The following CCDC88C variants were observed in gnomAD, a reference collection of about 807,000 sequenced individuals.
CCDC88C encodes protein Daple.
Under a neutral mutation model 198.8 loss-of-function variants are expected in CCDC88C, and 131 were observed. The ratio of observed to expected loss-of-function variants is 0.66; its 90% CI spans 0.57 to 0.76. The LOEUF (loss-of-function observed/expected upper bound fraction) is 0.76. Ranked by LOEUF, CCDC88C falls within the 30% of genes least tolerant of loss-of-function variation. The pLI, the probability that CCDC88C is intolerant of heterozygous loss-of-function variation, is 0.00. For missense variants in CCDC88C, 2,553 were observed against 2,631.6 expected (o/e 0.97, Z 0.65); for synonymous variants, 1,166 against 1,114.7 (o/e 1.05, Z -0.92).
chr14:91,350,230 G>A (rs1266950610), intron 4 of CCDC88C, among the ~76,000 whole-genome samples: 5 of 151,056 alleles, frequency 3.3e-5, no homozygotes, highest in Non-Finnish European at 4.4e-5. Flanking sequence ...GCACAATTTC[G>A]GCTCACTGCA....
At position 91,342,478 on chromosome 14, in the gene CCDC88C, A is replaced by C. The variant is rs376538263; in HGVS notation, c.400-15T>G. Reference sequence around the variant, plus strand: ...TTCCTCTCACACTGCGGAGGGTTACATGTGTTAATGGAAGCGCTGTTCAAG... The same window carrying C: ...TTCCTCTCACACTGCGGAGGGTTACCTGTGTTAATGGAAGCGCTGTTCAAG... On this transcript the variant is annotated splice_polypyrimidine_tract_variant and intron_variant, in intron 5 of 29. Coordinates refer to ENST00000389857, the MANE Select transcript of CCDC88C (RefSeq NM_001080414.4). The C allele has an allele frequency of 6.6e-7, 1 of 1,524,916 alleles. No homozygotes were observed. The highest frequency in any genetic ancestry group is 1.2e-5 in the South Asian group (1 of 84,718). The allele number at this position is 1,524,916 out of a possible 1,614,324, so 94.5% of individuals were successfully genotyped here.
intron 2 of CCDC88C, among the ~76,000 whole-genome samples, chr14:91,414,846 G>A (rs575527799): frequency 2.0e-5 from 3 of 152,234 alleles, no homozygotes; most frequent in South Asian, 2.1e-4. Context: ...AAATTGCCCA[G>A]GGAAGGGGAG....
chr14:91,381,573 C>T lies in CCDC88C; in HGVS notation c.271-21862G>A, dbSNP rs536018804. Among the ~76,000 whole-genome samples, 26 of 152,334 alleles carry T rather than the reference C, an allele frequency of 1.7e-4. No homozygotes were observed. The East Asian group carries it at 4.6e-3, about 27-fold the overall frequency. On this transcript the variant is annotated intron_variant, in intron 3 of 29. Coordinates refer to ENST00000389857, the MANE Select transcript of CCDC88C (RefSeq NM_001080414.4). This position sits in a 1 kb window ranked among gnomAD's most constrained non-coding sequence, Gnocchi z 4.2. Reference sequence around the variant, plus strand: ...TTTGGCCGGGTGCGGTGGCTCATGCCTGTAATCCTAGCACTTTGGGAGGCC... The same window carrying T: ...TTTGGCCGGGTGCGGTGGCTCATGCTTGTAATCCTAGCACTTTGGGAGGCC...
Position 91,324,826 on chromosome 14 carries a change from A to T in CCDC88C, c.1295T>A (p.Leu432His). 6.2e-7 allele frequency: 1 copy of T among 1,613,478 alleles called. No homozygotes were observed. Among genetic ancestry groups the T allele is most frequent in the Non-Finnish European group, 8.5e-7 (1 of 1,179,878 alleles). The stretch of plus-strand genomic sequence containing the variant: ...GGACAGCTGCTCCAGCTCCCAGCCA[A>T]GGTGGGCAGATTCGTTCATGCTCTG... ...QKQSMNESAH[L>H]GWELEQLSKN... The change falls in exon 12 of 30, where the codon CTT becomes CAT. Residue 432 changes from leucine to histidine, a missense_variant. Around this residue, in one of 2 missense-constraint regions of CCDC88C, gnomAD observed 1,260 missense variants for 1,412.0 expected, o/e 0.89. Coordinates refer to ENST00000389857, the MANE Select transcript of CCDC88C (RefSeq NM_001080414.4).
At chr14:91,390,349 A>T (rs755025129) in intron 3 of CCDC88C, among the ~76,000 whole-genome samples, 1 of 152,194 alleles carries the variant, frequency 6.6e-6, no homozygotes, top group Non-Finnish European at 1.5e-5. Context: ...TGCTTTTGGC[A>T]TCTCCACCTC....
chr14:91,372,828 CG>C (rs1317717655), intron 3 of CCDC88C, among the ~76,000 whole-genome samples: 1 of 152,104 alleles, frequency 6.6e-6, no homozygotes, highest in Non-Finnish European at 1.5e-5. Flanking sequence ...GGCAGGTGGC[CG>C]GGCAGGCAGG....
At chr14:91,392,767 GCCCCTCACTCTCACTGCA>G (rs1412555218) in intron 3 of CCDC88C, among the ~76,000 whole-genome samples, 29 of 150,348 alleles carry the variant, frequency 1.9e-4, no homozygotes, top group Admixed American at 1.3e-3. Context: ...CTCTCACCGC[GCCCCTCACTCTCACTGCA>G]CCCCTCACTC....
Position 91,284,937 on chromosome 14 carries a change from T to C in CCDC88C, c.4442-1420A>G, listed in dbSNP as rs1433245821. ...GAGACAGGAAATGCTCCATAGGTAA[T>C]GGCCTAGCTGGCCGGCTGGCATTTT... On this transcript the variant is annotated intron_variant, in intron 25 of 29. Coordinates refer to ENST00000389857, the MANE Select transcript of CCDC88C (RefSeq NM_001080414.4). This position sits in a 1 kb window ranked among gnomAD's most constrained non-coding sequence, Gnocchi z 4.1. Among the ~76,000 whole-genome samples the C allele has an allele frequency of 6.6e-6, 1 of 152,194 alleles. No homozygotes were observed. The highest frequency in any genetic ancestry group is 6.5e-5 in the Admixed American group (1 of 15,278).
chr14:91,308,785 C>T (rs1437569729), intron 16 of CCDC88C, among the ~76,000 whole-genome samples: 7 of 152,294 alleles, frequency 4.6e-5, no homozygotes, highest in Admixed American at 1.3e-4. Flanking sequence ...AACTGAGTCT[C>T]AGAAAGGTTA....
intron 26 of CCDC88C, among the ~76,000 whole-genome samples, chr14:91,282,527 G>A (rs1320093901): frequency 6.6e-6 from 1 of 151,792 alleles, no homozygotes; most frequent in Non-Finnish European, 1.5e-5. Flanking sequence ...TTGTTTCTTG[G>A]GTGCAATCAT....
At chr14:91,276,493 C>T (rs762422236) in intron 29 of CCDC88C, among the ~76,000 whole-genome samples, 1 of 152,252 alleles carries the variant, frequency 6.6e-6, no homozygotes, top group Admixed American at 6.5e-5. Context: ...GCAAAGAAAA[C>T]CTGCTGATGA....
rs953236644 is a variant in CCDC88C at position 91,288,868 on chromosome 14, G to A, written c.4441+237C>T. ...CTGCACTCTAGCCTGGGCAACAAGA[G>A]TGAAACTCCATCTCAAAAAAATTAA... On this transcript the variant is annotated intron_variant, in intron 25 of 29. Coordinates refer to ENST00000389857, the MANE Select transcript of CCDC88C (RefSeq NM_001080414.4). The surrounding 1 kb of genome is among the most constrained non-coding windows in gnomAD (Gnocchi z 4.2). 1 of 431,344 alleles carries A rather than the reference G, an allele frequency of 2.3e-6. No homozygotes were observed. The highest frequency in any genetic ancestry group is 4.1e-6 in the Non-Finnish European group (1 of 244,074). 26.7% of individuals were successfully genotyped at this position (431,344 alleles called of 1,614,324 possible).
intron 20 of CCDC88C, among the ~76,000 whole-genome samples, chr14:91,300,724 G>A (rs1891235954): frequency 6.6e-6 from 1 of 152,138 alleles, no homozygotes; most frequent in Non-Finnish European, 1.5e-5. Context: ...ATCTTCTCCA[G>A]GCTCTAATCT....
At position 91,322,359 on chromosome 14, in the gene CCDC88C, G is replaced by A. The variant is rs765436125; in HGVS notation, c.1343-1055C>T. ...GTCTTCATCCTCTACCAAGGATAACGACATGGACCACCCAACAGGCCAGAA... is the reference window on the plus strand; with the variant it reads ...GTCTTCATCCTCTACCAAGGATAACAACATGGACCACCCAACAGGCCAGAA... On this transcript the variant is annotated intron_variant, in intron 12 of 29. Transcript: ENST00000389857. Among the ~76,000 whole-genome samples, 7 of 152,266 alleles carry A rather than the reference G, an allele frequency of 4.6e-5. No homozygotes were observed. In the South Asian group the frequency reaches 1.2e-3, roughly 27 times the overall value.
chr14:91,287,484 C>A lies in CCDC88C; in HGVS notation c.4441+1621G>T, dbSNP rs142414841. Among the ~76,000 whole-genome samples the A allele has an allele frequency of 3.5e-4, 54 of 152,170 alleles. 1 individual carries two copies. The East Asian group carries it at 0.01, about 28-fold the overall frequency. ...GAGCAGCTGAGACTACAGGTACGTG[C>A]CACCACACCTGGCTAAATAAAAATA... is the stretch of plus-strand genomic sequence containing the variant. On this transcript the variant is annotated intron_variant, in intron 25 of 29. Transcript: ENST00000389857.
Position 91,273,755 on chromosome 14 carries a change from G to A in CCDC88C, c.5059-102C>T. 2.0e-6 allele frequency: 2 copies of A among 1,015,854 alleles called. No homozygotes were observed. The highest frequency in any genetic ancestry group is 2.7e-6 in the Non-Finnish European group (2 of 750,692). The allele number at this position is 1,015,854 out of a possible 1,614,324, so 62.9% of individuals were successfully genotyped here. On this transcript the variant is annotated intron_variant, in intron 29 of 29. Transcript: ENST00000389857. The surrounding 1 kb of genome is among the most constrained non-coding windows in gnomAD (Gnocchi z 5.6). ...GCCCCCGAGCAGCCCACGTGGCTGG[G>A]ACCGCAGTTCCTGCCTGCCTTCTCC...
At chr14:91,359,423 C>T (rs189650095) in intron 4 of CCDC88C, among the ~76,000 whole-genome samples, 16 of 152,302 alleles carry the variant, frequency 1.1e-4, no homozygotes, top group African/African-American at 3.9e-4. Flanking sequence ...AGGCGTGAGC[C>T]ACCGCGCCCG....
At chr14:91,345,190 A>ATATATTTTTT (rs1246878587) in intron 4 of CCDC88C, among the ~76,000 whole-genome samples, 2 of 52,198 alleles carry the variant, frequency 3.8e-5, no homozygotes, top group Non-Finnish European at 6.8e-5. Flanking sequence ...ATATATATAT[A>ATATATTTTTT]TTTTTTTTTT....
At chr14:91,317,606 G>C (rs557582271) in intron 13 of CCDC88C, among the ~76,000 whole-genome samples, 1 of 152,226 alleles carries the variant, frequency 6.6e-6, no homozygotes, top group Non-Finnish European at 1.5e-5. Flanking sequence ...CTGCAGGGTC[G>C]GGCCAGATTC....
Sources: gnomAD v4.1 joint callset for allele counts (sites outside exome capture counted in the v4.1 genomes callset) on GRCh38, gnomAD v4.1.1 for gene constraint, gnomAD v4.1.1 regional missense constraint, Gnocchi (gnomAD v3.1) non-coding constraint, MANE v1.5 for transcripts, NCBI Gene and HGNC (gene_info 2026-07-23, HGNC 2026-07-21) for gene names.